The following MCCC2 variants were observed in gnomAD, a reference collection of about 807,000 sequenced individuals.
MCCC2 encodes methylcrotonyl-CoA carboxylase subunit 2, also known as methylcrotonoyl-CoA carboxylase beta chain, mitochondrial.
MCCC2 carries 52 observed loss-of-function variants against 77.2 expected under a neutral mutation model. That is an observed-to-expected ratio of 0.67 (90% CI 0.54 to 0.85). The LOEUF (loss-of-function observed/expected upper bound fraction) is 0.85. Ranked by LOEUF, MCCC2 falls within the 40% of genes least tolerant of loss-of-function variation. The pLI is 0.00. For missense variants in MCCC2, 682 were observed against 703.2 expected (o/e 0.97, Z 0.34); for synonymous variants, 253 against 248.4 (o/e 1.02, Z -0.18).
chr5:71,625,980 A>G (rs556461950), intron 6 of MCCC2, among the ~76,000 whole-genome samples: 1 of 152,240 alleles, frequency 6.6e-6, no homozygotes, highest in Non-Finnish European at 1.5e-5. Flanking sequence ...AGCCAAACCT[A>G]TATTTATTAT....
In MCCC2 at chr5:71,643,807, C is replaced by T; in HGVS notation, c.1073-12C>T. On this transcript the variant is annotated splice_polypyrimidine_tract_variant and intron_variant, in intron 11 of 16. Coordinates refer to ENST00000340941, the MANE Select transcript of MCCC2 (RefSeq NM_022132.5). Reference sequence around the variant, plus strand: ...GCACAAGACATAAATCTTCTTTGAACTTTCTTTTGAGGATTTGCTCGAATA... The same window carrying T: ...GCACAAGACATAAATCTTCTTTGAATTTTCTTTTGAGGATTTGCTCGAATA... 6.2e-7 allele frequency: 1 copy of T among 1,614,046 alleles called. No homozygotes were observed. The highest frequency in any genetic ancestry group is 8.5e-7 in the Non-Finnish European group (1 of 1,179,988).
intron 16 of MCCC2, among the ~76,000 whole-genome samples, chr5:71,654,610 A>T (rs565077078): frequency 2.8e-4 from 43 of 152,226 alleles, no homozygotes; most frequent in Non-Finnish European, 5.6e-4. Context: ...CAGCTGAAAT[A>T]TTAAAGTTTG....
Position 71,635,123 on chromosome 5 carries a change from C to T in MCCC2, c.904-28C>T, listed in dbSNP as rs1385602489. 9.3e-6 allele frequency: 15 copies of T among 1,611,986 alleles called. No individual in the cohort carries two copies. In the Middle Eastern group the frequency reaches 6.6e-4, roughly 71 times the overall value. ...TGCACCTTGAAATCATGTCTTTAAA[C>T]AGGTTAACATGATCTATATTTCTGC... is the stretch of plus-strand genomic sequence containing the variant. On this transcript the variant is annotated intron_variant, in intron 9 of 16. Coordinates refer to ENST00000340941, the MANE Select transcript of MCCC2 (RefSeq NM_022132.5).
intron 6 of MCCC2, among the ~76,000 whole-genome samples, chr5:71,622,076 G>A (rs1248909550): frequency 6.6e-6 from 1 of 152,078 alleles, no homozygotes; most frequent in African/African-American, 2.4e-5. Context: ...GAGCACAGGA[G>A]TTCAGGACCT....
Position 71,632,157 on chromosome 5 carries a change from G to C in MCCC2, c.775G>C (p.Asp259His). 6.2e-7 allele frequency: 1 copy of C among 1,614,188 alleles called. No individual in the cohort carries two copies. Among genetic ancestry groups the C allele is most frequent in the Non-Finnish European group, 8.5e-7 (1 of 1,180,022 alleles). Residue 259 changes from aspartate to histidine, a missense_variant, in exon 8 of 17, where the codon GAT (aspartate) becomes CAT (histidine). Transcript: ENST00000340941. Reference sequence around the variant, plus strand: ...AACTGGGGAAGAAGTATCTGCTGAGGATCTTGGAGGTGCTGATCTTCATTG... The same window carrying C: ...AACTGGGGAAGAAGTATCTGCTGAGCATCTTGGAGGTGCTGATCTTCATTG... Reference protein sequence around the residue: ...AATGEEVSAEDLGGADLHCRK... With the variant: ...AATGEEVSAEHLGGADLHCRK...
intron 10 of MCCC2, chr5:71,635,596 A>C (rs189729578): frequency 5.5e-6 from 2 of 361,210 alleles, no homozygotes; most frequent in Non-Finnish European, 1.1e-5. Context: ...ATTTTGGGAA[A>C]TGGGTGAAAT....
intron 6 of MCCC2, among the ~76,000 whole-genome samples, chr5:71,616,159 C>T (rs912067383): frequency 3.9e-5 from 6 of 152,224 alleles, no homozygotes; most frequent in African/African-American, 1.2e-4. Context: ...TTTGCAGACT[C>T]GCCTTATGTA....
chr5:71,626,745 C>A lies in MCCC2; in HGVS notation c.730C>A (p.Pro244Thr), dbSNP rs749393212. The change falls in exon 7 of 17, where the codon CCC becomes ACC. Residue 244 changes from proline (P) to threonine (T), a missense_variant. By Grantham distance (38) the Pro-to-Thr change is conservative. Coordinates refer to ENST00000340941, the MANE Select transcript of MCCC2 (RefSeq NM_022132.5). Reference protein sequence around the residue: ...RKQGTIFLAGPPLVKAATGEE... With the variant: ...RKQGTIFLAGTPLVKAATGEE... ...GCAGGGTACCATTTTCTTGGCAGGA[C>A]CCCCCTTGGTAAGAACATAAGAACG... 1.7e-5 allele frequency: 28 copies of A among 1,613,206 alleles called. No homozygotes were observed. The highest frequency in any genetic ancestry group is 2.5e-6 in the Non-Finnish European group (3 of 1,179,418).
At chr5:71,650,773 C>A (rs933302758) in intron 15 of MCCC2, among the ~76,000 whole-genome samples, 1 of 152,164 alleles carries the variant, frequency 6.6e-6, no homozygotes, top group Non-Finnish European at 1.5e-5. Flanking sequence ...CTCAGCCTCC[C>A]GAGTAGCTGG....
intron 6 of MCCC2, among the ~76,000 whole-genome samples, chr5:71,605,465 A>T (rs1745633327): frequency 6.6e-6 from 1 of 151,732 alleles, no homozygotes; most frequent in Non-Finnish European, 1.5e-5. Flanking sequence ...TTCATTGTAG[A>T]TTCTGGATAT....
chr5:71,650,252 C>A, intron 15 of MCCC2, 69 bp downstream of exon 15: 1 of 1,363,920 alleles, frequency 7.3e-7, no homozygotes, highest in Non-Finnish European at 1.0e-6. Context: ...AGCCAAGGAG[C>A]AGCGTGCCTG....
chr5:71,623,710 G>C (rs1303583054), intron 6 of MCCC2, among the ~76,000 whole-genome samples: 1 of 152,160 alleles, frequency 6.6e-6, no homozygotes, highest in South Asian at 2.1e-4. Context: ...CACGGGTTTG[G>C]GGGGACCATT....
intron 6 of MCCC2, among the ~76,000 whole-genome samples, chr5:71,615,080 C>T (rs1482077767): frequency 1.3e-5 from 2 of 152,156 alleles, no homozygotes; most frequent in Non-Finnish European, 2.9e-5. Context: ...AATTCTCCTG[C>T]CTCAGCCTCC....
At chr5:71,627,614 G>A (rs1746576238) in intron 7 of MCCC2, among the ~76,000 whole-genome samples, 1 of 152,158 alleles carries the variant, frequency 6.6e-6, no homozygotes, top group African/African-American at 2.4e-5. Flanking sequence ...TGGATCATGT[G>A]GTAGCTGTGT....
intron 4 of MCCC2, among the ~76,000 whole-genome samples, chr5:71,600,658 T>C (rs1745391335): frequency 1.3e-5 from 2 of 152,214 alleles, no homozygotes; most frequent in Admixed American, 6.5e-5. Context: ...CACTACTCTT[T>C]CTCTGACAAA....
chr5:71,652,305 G>T (rs1005563097), intron 15 of MCCC2, among the ~76,000 whole-genome samples: 2 of 152,146 alleles, frequency 1.3e-5, no homozygotes, highest in African/African-American at 4.8e-5. Flanking sequence ...TATTTTAAAT[G>T]AGAATCTCAT....
At chr5:71,636,911 T>C (rs1027107234) in intron 10 of MCCC2, among the ~76,000 whole-genome samples, 1 of 151,630 alleles carries the variant, frequency 6.6e-6, no homozygotes, top group African/African-American at 2.4e-5. Flanking sequence ...ACCTGGCTAA[T>C]TTTTGTATTT....
chr5:71,604,424 AC>A lies in MCCC2; in HGVS notation c.581del (p.Thr194AsnfsTer79), dbSNP rs1190325113. 6.2e-7 allele frequency: 1 copy of A among 1,614,196 alleles called. No individual in the cohort carries two copies. The highest frequency in any genetic ancestry group is 1.7e-5 in the Admixed American group (1 of 60,014). On this transcript the variant is annotated frameshift_variant, in exon 6 of 17. Coordinates refer to ENST00000340941, the MANE Select transcript of MCCC2 (RefSeq NM_022132.5). LOFTEE classifies it high-confidence loss of function. Reference protein sequence around the residue: ...VFPDRDHFGRTFYNQAIMSSK... With the variant: ...VFPDRDHFGRXFYNQAIMSSK... ...TCCAGATCGAGACCACTTTGGCCGTACATTCTATAATCAGGCAATTATGTCT... is the reference window on the plus strand; with the variant it reads ...TCCAGATCGAGACCACTTTGGCCGTAATTCTATAATCAGGCAATTATGTCT...
chr5:71,633,491 C>G (rs1030812180), intron 8 of MCCC2, among the ~76,000 whole-genome samples: 14 of 151,810 alleles, frequency 9.2e-5, no homozygotes, highest in Admixed American at 2.0e-4. Context: ...AGTAATAACT[C>G]TATTACTGTT....
Sources: gnomAD v4.1 joint callset for allele counts (sites outside exome capture counted in the v4.1 genomes callset) on GRCh38, gnomAD v4.1.1 for gene constraint, MANE v1.5 for transcripts, NCBI Gene and HGNC (gene_info 2026-07-23, HGNC 2026-07-21) for gene names.